Variants in TAFA4 observed in about 807,000 individuals in gnomAD.
TAFA4 encodes chemokine-like protein TAFA-4.
Under a neutral mutation model 21.1 loss-of-function variants are expected in TAFA4, and 20 were observed. That is an observed-to-expected ratio of 0.95 (90% confidence interval 0.67 to 1.38). The LOEUF is 1.38. Ranked by LOEUF, TAFA4 falls within the 40% of genes most tolerant of loss-of-function variation. TAFA4 has a pLI of 0.00. For synonymous variants in TAFA4, 71 were observed against 67.4 expected (o/e 1.05, Z -0.26); for missense variants, 211 against 180.9 (o/e 1.17, Z -0.95).
At chr3:68,786,676 T>A (rs1289065107) in intron 3 of TAFA4, among the ~76,000 whole-genome samples, 1 of 152,222 alleles carries the variant, frequency 6.6e-6, no homozygotes, top group Non-Finnish European at 1.5e-5. Flanking sequence ...TCTCAGAAGG[T>A]AATTGTGAAT....
chr3:68,738,272 G>A lies in TAFA4; in HGVS notation c.411+803C>T, dbSNP rs142967236. ...CCAGGATGTTTAGAGCAGCAAGAAG[G>A]AAGCGGAGGTGGTTTGGCCATGTTA... On this transcript the variant is annotated intron_variant, in intron 5 of 5. Coordinates refer to ENST00000295569, the MANE Select transcript of TAFA4 (RefSeq NM_182522.5). 5.9e-3 allele frequency among the ~76,000 whole-genome samples: 905 copies of A among 152,326 alleles called. 1 individual carries two copies. The highest frequency in any genetic ancestry group is 9.1e-3 in the Non-Finnish European group (621 of 68,024).
intron 3 of TAFA4, among the ~76,000 whole-genome samples, chr3:68,783,712 A>AC (rs1553641276): frequency 1.7e-5 from 1 of 60,174 alleles, no homozygotes; most frequent in South Asian, 1.2e-3. Context: ...AGAGAGAAAG[A>AC]AAAAGAAAGA....
rs200281179 is a variant in TAFA4, at chr3:68,857,810, C to CA, written c.130+22919dup. On this transcript the variant is annotated intron_variant, in intron 3 of 5. Coordinates refer to ENST00000295569, the MANE Select transcript of TAFA4 (RefSeq NM_182522.5). ...CTTTGGAAACTAACATCATTCAAAACAAAAAAAAAACAAAAAGAAAAAAAA... is the reference window on the plus strand; with the variant it reads ...CTTTGGAAACTAACATCATTCAAAACAAAAAAAAAAACAAAAAGAAAAAAAA... Among the ~76,000 whole-genome samples, 451 of 116,380 alleles carry CA rather than the reference C, an allele frequency of 3.9e-3. 2 individuals are homozygous for CA. Among genetic ancestry groups the CA allele is most frequent in the African/African-American group, 8.9e-3 (280 of 31,604 alleles). 76.3% of individuals were successfully genotyped at this position (116,380 alleles called of 152,430 possible).
At chr3:68,874,273 T>A (rs1481413571) in intron 3 of TAFA4, among the ~76,000 whole-genome samples, 1 of 152,168 alleles carries the variant, frequency 6.6e-6, no homozygotes, top group Non-Finnish European at 1.5e-5. Flanking sequence ...ATCAATCCTT[T>A]GTAATGGGTT....
rs533462044 is a variant in TAFA4, at chr3:68,816,316, T to TA, written c.131-63299dup. Among the ~76,000 whole-genome samples the TA allele has an allele frequency of 1.4e-3, 218 of 151,152 alleles. 1 individual carries two copies. The highest frequency in any genetic ancestry group is 2.9e-3 in the African/African-American group (121 of 41,330). Reference sequence around the variant, plus strand: ...TGTACCCTAAAACTTAATGTATAATTAAAAAAAAATAGTAATTCTTCCAAT... The same window carrying TA: ...TGTACCCTAAAACTTAATGTATAATTAAAAAAAAAATAGTAATTCTTCCAAT... On this transcript the variant is annotated intron_variant, in intron 3 of 5. Transcript: ENST00000295569.
At position 68,873,373 on chromosome 3, in the gene TAFA4, C is replaced by CACACAT. The variant is rs1470403754; in HGVS notation, c.130+7356_130+7357insATGTGT. ...ACACACACACACACACACACACACA[C>CACACAT]ACACCCTGGGCCAGAAAAATGCTGA... On this transcript the variant is annotated intron_variant, in intron 3 of 5. Coordinates refer to ENST00000295569, the MANE Select transcript of TAFA4 (RefSeq NM_182522.5). Among the ~76,000 whole-genome samples, 8 of 144,276 alleles carry CACACAT rather than the reference C, an allele frequency of 5.5e-5. No homozygotes were observed. The South Asian group carries it at 7.9e-4, about 14-fold the overall frequency. 94.7% of individuals were successfully genotyped at this position (144,276 alleles called of 152,430 possible).
At chr3:68,909,023 A>G (rs895076498) in intron 1 of TAFA4, among the ~76,000 whole-genome samples, 1 of 152,190 alleles carries the variant, frequency 6.6e-6, no homozygotes, top group Non-Finnish European at 1.5e-5. Flanking sequence ...ATATGTAACT[A>G]CTGTAGCTGA....
intron 3 of TAFA4, among the ~76,000 whole-genome samples, chr3:68,865,535 T>C (rs2089405629): frequency 6.6e-6 from 1 of 152,108 alleles, no homozygotes; most frequent in Non-Finnish European, 1.5e-5. Flanking sequence ...AAACATGCCT[T>C]TTCTCCTCCT....
At chr3:68,763,340 G>A (rs988525451) in intron 3 of TAFA4, among the ~76,000 whole-genome samples, 2 of 152,108 alleles carry the variant, frequency 1.3e-5, no homozygotes, top group Non-Finnish European at 2.9e-5. Flanking sequence ...GCAAAATCCA[G>A]TCTAAGAATT....
At chr3:68,739,038 A>T in intron 5 of TAFA4, 37 bp downstream of exon 5, 1 of 1,609,246 alleles carries the variant, frequency 6.2e-7, no homozygotes, top group Non-Finnish European at 8.5e-7. Context: ...CACAGTTGAT[A>T]ACTTGTAAAT....
At chr3:68,828,444 C>G (rs1704305151) in intron 3 of TAFA4, among the ~76,000 whole-genome samples, 1 of 152,002 alleles carries the variant, frequency 6.6e-6, no homozygotes, top group Non-Finnish European at 1.5e-5. Flanking sequence ...GGGAATAGCA[C>G]TGAATCTATA....
chr3:68,753,381 A>G (rs1575595788), intron 3 of TAFA4, among the ~76,000 whole-genome samples: 4 of 138,506 alleles, frequency 2.9e-5, no homozygotes. Context: ...TGTCACTGAG[A>G]TTGGAGTGCA....
chr3:68,886,550 A>G (rs902043068), intron 1 of TAFA4, among the ~76,000 whole-genome samples: 1 of 152,160 alleles, frequency 6.6e-6, no homozygotes, highest in Non-Finnish European at 1.5e-5. Context: ...TTTCCTGGCT[A>G]ATATTTTTCT....
chr3:68,733,093 G>A lies in TAFA4; in HGVS notation c.*49C>T, dbSNP rs1388292006. Reference sequence around the variant, plus strand: ...CCATGATGGGAATCCAAGCAAAAGAGCTCCGCCTCCTGCTGCCCCTCCAGG... The same window carrying A: ...CCATGATGGGAATCCAAGCAAAAGAACTCCGCCTCCTGCTGCCCCTCCAGG... On this transcript the variant is annotated 3_prime_UTR_variant, in exon 6 of 6. Transcript: ENST00000295569. 4.3e-6 allele frequency: 7 copies of A among 1,610,916 alleles called. No homozygotes were observed. The highest frequency in any genetic ancestry group is 1.7e-5 in the Admixed American group (1 of 59,528).
intron 1 of TAFA4, among the ~76,000 whole-genome samples, chr3:68,888,042 A>G (rs551350593): frequency 6.6e-6 from 1 of 151,660 alleles, no homozygotes; most frequent in South Asian, 2.1e-4. Context: ...CCTTTAACTA[A>G]TTTCTCTATT....
At chr3:68,891,858 T>G (rs2089733899) in intron 1 of TAFA4, among the ~76,000 whole-genome samples, 1 of 152,210 alleles carries the variant, frequency 6.6e-6, no homozygotes, top group Non-Finnish European at 1.5e-5. Flanking sequence ...GTAATATGTT[T>G]CCATTTCCAG....
At chr3:68,881,422 T>C (rs1027475753) in intron 2 of TAFA4, among the ~76,000 whole-genome samples, 1 of 152,180 alleles carries the variant, frequency 6.6e-6, no homozygotes, top group African/African-American at 2.4e-5. Flanking sequence ...ATCAAAACAG[T>C]TGCTCAAAAA....
intron 3 of TAFA4, among the ~76,000 whole-genome samples, chr3:68,788,665 G>A (rs961353784): frequency 2.0e-5 from 3 of 152,110 alleles, no homozygotes; most frequent in Admixed American, 6.5e-5. Context: ...AAGCTGGAGT[G>A]CAGTGGCATC....
chr3:68,825,612 G>C (rs1704212036), intron 3 of TAFA4, among the ~76,000 whole-genome samples: 1 of 151,856 alleles, frequency 6.6e-6, no homozygotes, highest in African/African-American at 2.4e-5. Context: ...TCAGGATAGG[G>C]AGAATAAAAA....
Sources: allele counts gnomAD v4.1 joint callset (sites outside exome capture counted in the v4.1 genomes callset), GRCh38; gene constraint gnomAD v4.1.1; transcripts MANE v1.5; gene names NCBI Gene and HGNC (gene_info 2026-07-23, HGNC 2026-07-21).